ADGRV1: variants seen among roughly 807,000 people sequenced by gnomAD.
The protein encoded by ADGRV1 is G-protein coupled receptor 98.
Under a neutral mutation model 596.2 loss-of-function variants are expected in ADGRV1, and 359 were observed. That is an observed-to-expected ratio of 0.60 (90% CI 0.55 to 0.66). The LOEUF is 0.66. Ranked by LOEUF, ADGRV1 falls within the 30% of genes least tolerant of loss-of-function variation. ADGRV1 has a pLI of 0.00. For missense variants in ADGRV1, 7,274 were observed against 7,575.6 expected, an observed-to-expected ratio of 0.96 and a Z score of 1.48; for synonymous variants, 2,681 against 2,679.2, an observed-to-expected ratio of 1.00 and a Z score of -0.02.
chr5:90,849,205 C>T (rs1766230948), intron 79 of ADGRV1, among the ~76,000 whole-genome samples: 1 of 152,080 alleles, frequency 6.6e-6, no homozygotes, highest in Admixed American at 6.5e-5. Flanking sequence ...TGTGATTGTT[C>T]TGTCCATTTG....
Position 90,685,767 on chromosome 5 carries a change from T to G in ADGRV1, c.6275-13T>G. 1.3e-6 allele frequency: 2 copies of G among 1,595,036 alleles called. No individual in the cohort carries two copies. The highest frequency in any genetic ancestry group is 2.2e-5 in the South Asian group (2 of 90,322). On this transcript the variant is annotated splice_polypyrimidine_tract_variant and intron_variant, in intron 28 of 89. Transcript: ENST00000405460. ...TAGCTTTCTGTGTTCTGTGTGGATC[T>G]TCTGTCTTTCAGTTCCAAATTCTCC...
intron 83 of ADGRV1, among the ~76,000 whole-genome samples, chr5:90,864,447 TTCATAG>T (rs1258673377): frequency 6.6e-6 from 1 of 152,180 alleles, no homozygotes; most frequent in East Asian, 1.9e-4. Context: ...CCATACGGTG[TTCATAG>T]TCTAGAAAAG....
chr5:90,774,226 A>C lies in ADGRV1; in HGVS notation c.12326A>C (p.Asp4109Ala). Residue 4109 changes from aspartate to alanine, a missense_variant, in exon 60 of 90, where the codon GAC becomes GCC. By Grantham distance (126) the Asp-to-Ala change is moderately radical. Around this residue, in one of 5 missense-constraint regions of ADGRV1, gnomAD observed 3,643 missense variants for 3,809.2 expected, o/e 0.96. Coordinates refer to ENST00000405460, the MANE Select transcript of ADGRV1 (RefSeq NM_032119.4). Reference protein sequence around the residue: ...QKTIVLHTLQDTVLEEDRRFT... With the variant: ...QKTIVLHTLQATVLEEDRRFT... ...ACCATTGTGTTGCACACACTTCAAG[A>C]CACAGTGTTGGAGGAGGACAGGCGT... 6.2e-7 allele frequency: 1 copy of C among 1,611,264 alleles called. No individual in the cohort carries two copies. The highest frequency in any genetic ancestry group is 2.2e-5 in the East Asian group (1 of 44,832).
At chr5:91,125,820 A>G (rs1223041352) in intron 87 of ADGRV1, among the ~76,000 whole-genome samples, 1 of 152,254 alleles carries the variant, frequency 6.6e-6, no homozygotes, top group Admixed American at 6.5e-5. Flanking sequence ...GGTATATCAG[A>G]TGAAATGAAC....
chr5:91,014,673 G>C (rs891663082), intron 85 of ADGRV1, among the ~76,000 whole-genome samples: 1 of 151,720 alleles, frequency 6.6e-6, no homozygotes, highest in African/African-American at 2.4e-5. Context: ...TTTCCAGTTT[G>C]TATGCAAAGG....
chr5:90,644,555 T>TA, intron 14 of ADGRV1, 151 bp from the exon 15 acceptor site: 1 of 599,976 alleles, frequency 1.7e-6, no homozygotes. Context: ...TATATTTTTA[T>TA]ATGTACCTTA....
At chr5:90,727,896 G>T (rs1429709345) in intron 48 of ADGRV1, among the ~76,000 whole-genome samples, 1 of 152,016 alleles carries the variant, frequency 6.6e-6, no homozygotes, top group Non-Finnish European at 1.5e-5. Flanking sequence ...CTTCTAACTT[G>T]ATTTCCCAAA....
intron 87 of ADGRV1, among the ~76,000 whole-genome samples, chr5:91,129,403 T>C (rs1794026941): frequency 1.3e-5 from 2 of 152,188 alleles, no homozygotes; most frequent in Admixed American, 6.5e-5. Flanking sequence ...AGTTTAATGA[T>C]GGGTAGGGTA....
chr5:91,092,845 T>G (rs1790504108), intron 86 of ADGRV1, among the ~76,000 whole-genome samples: 1 of 152,240 alleles, frequency 6.6e-6, no homozygotes, highest in South Asian at 2.1e-4. Flanking sequence ...CCATGTGCTC[T>G]TTTCCTAACG....
chr5:90,953,923 A>G (rs1777253363), intron 83 of ADGRV1, among the ~76,000 whole-genome samples: 1 of 152,028 alleles, frequency 6.6e-6, no homozygotes, highest in Non-Finnish European at 1.5e-5. Context: ...AAAAACCTGT[A>G]GGCATGTGTT....
At chr5:91,154,824 G>C (rs561818167) in intron 89 of ADGRV1, among the ~76,000 whole-genome samples, 4 of 152,258 alleles carry the variant, frequency 2.6e-5, no homozygotes, top group African/African-American at 9.6e-5. Context: ...ATCAGATCTC[G>C]TGAGACTCAC....
At chr5:90,639,966 A>G (rs757055372) in intron 11 of ADGRV1, among the ~76,000 whole-genome samples, 2 of 152,188 alleles carry the variant, frequency 1.3e-5, no homozygotes, top group South Asian at 2.1e-4. Context: ...CAAATTCTCT[A>G]TATTTCAACT....
At chr5:90,841,411 T>G (rs984620360) in intron 78 of ADGRV1, among the ~76,000 whole-genome samples, 1 of 152,198 alleles carries the variant, frequency 6.6e-6, no homozygotes, top group African/African-American at 2.4e-5. Context: ...ATAGAAATTA[T>G]CACCCTCTGC....
chr5:90,664,061 TG>T (rs972732093), intron 21 of ADGRV1, among the ~76,000 whole-genome samples: 5 of 136,056 alleles, frequency 3.7e-5, no homozygotes, highest in African/African-American at 1.1e-4. Context: ...CCTCCAGCTT[TG>T]TTGTTTTGGC....
At chr5:91,071,185 T>A (rs1259649416) in intron 85 of ADGRV1, among the ~76,000 whole-genome samples, 1 of 152,092 alleles carries the variant, frequency 6.6e-6, no homozygotes, top group Non-Finnish European at 1.5e-5. Flanking sequence ...TAGCTTGGCC[T>A]CCTCCTATGC....
chr5:90,696,982 A>C lies in ADGRV1; in HGVS notation c.7991A>C (p.Glu2664Ala). 6.2e-7 allele frequency: 1 copy of C among 1,613,148 alleles called. No homozygotes were observed. The highest frequency in any genetic ancestry group is 8.5e-7 in the Non-Finnish European group (1 of 1,179,314). Reference protein sequence around the residue: ...TVILTILDDSEPEDDESIIVS... With the variant: ...TVILTILDDSAPEDDESIIVS... Reference sequence around the variant, plus strand: ...ATTTTAACCATCTTGGATGACTCTGAACCAGAGGATGACGAAAGTATCATA... The same window carrying C: ...ATTTTAACCATCTTGGATGACTCTGCACCAGAGGATGACGAAAGTATCATA... Residue 2664 changes from glutamate (E) to alanine (A), a missense_variant, in exon 34 of 90, where the codon GAA becomes GCA. Transcript: ENST00000405460.
chr5:90,823,213 C>T (rs550006656), intron 75 of ADGRV1, among the ~76,000 whole-genome samples: 1 of 152,118 alleles, frequency 6.6e-6, no homozygotes, highest in Non-Finnish European at 1.5e-5. Flanking sequence ...TCAAAGAAAA[C>T]CACATAAGCC....
At chr5:91,115,878 C>T (rs990947508) in intron 87 of ADGRV1, among the ~76,000 whole-genome samples, 9 of 152,022 alleles carry the variant, frequency 5.9e-5, no homozygotes, top group South Asian at 2.1e-4. Flanking sequence ...ACACTGGAGG[C>T]GGAGGTGGCA....
At chr5:90,948,085 A>C (rs571467346) in intron 83 of ADGRV1, among the ~76,000 whole-genome samples, 1 of 152,226 alleles carries the variant, frequency 6.6e-6, no homozygotes, top group East Asian at 1.9e-4. Flanking sequence ...TATTCTATGC[A>C]GCTACTCCAC....
Sources: gnomAD v4.1 joint callset for allele counts (sites outside exome capture counted in the v4.1 genomes callset) on GRCh38, gnomAD v4.1.1 for gene constraint, gnomAD v4.1.1 regional missense constraint, MANE v1.5 for transcripts, NCBI Gene and HGNC (gene_info 2026-07-23, HGNC 2026-07-21) for gene names.